SNRNP40: variants seen among roughly 807,000 people sequenced by gnomAD.
SNRNP40 encodes the protein U5 small nuclear ribonucleoprotein 40 kDa protein.
Under a neutral mutation model 45.8 loss-of-function variants are expected in SNRNP40, and 21 were observed. That is an observed-to-expected ratio of 0.46 (90% CI 0.32 to 0.66). The LOEUF (loss-of-function observed/expected upper bound fraction) is 0.66, where lower values mean the gene tolerates loss of function less well. Ranked by LOEUF, SNRNP40 falls within the 30% of genes least tolerant of loss-of-function variation. The pLI is 0.03. For synonymous variants in SNRNP40, 142 were observed against 163.8 expected (o/e 0.87, Z 1.01); for missense variants, 344 against 439.1 (o/e 0.78, Z 1.94).
intron 4 of SNRNP40, among the ~76,000 whole-genome samples, chr1:31,288,209 A>G (rs61779439): frequency 0.14 from 21,329 of 152,076 alleles, 1,635 homozygotes; most frequent in African/African-American, 0.17. Context: ...TTAAAAAGCA[A>G]TAAGAAGTAT....
chr1:31,284,004 G>C (rs1346785300), intron 4 of SNRNP40, among the ~76,000 whole-genome samples: 1 of 152,120 alleles, frequency 6.6e-6, no homozygotes, highest in Non-Finnish European at 1.5e-5. Flanking sequence ...CCAGGAGGAT[G>C]GCTTTAGCCC....
At chr1:31,261,051 C>A in intron 9 of SNRNP40, 1 of 1,279,300 alleles carries the variant, frequency 7.8e-7, no homozygotes, top group Non-Finnish European at 1.0e-6. Flanking sequence ...CACATAAAGA[C>A]TGTTTGCAGC....
intron 5 of SNRNP40, among the ~76,000 whole-genome samples, chr1:31,277,538 T>C (rs961387283): frequency 3.9e-5 from 6 of 152,258 alleles, no homozygotes; most frequent in African/African-American, 1.4e-4. Flanking sequence ...GAAAAGTCTA[T>C]ACTGATTTTT....
intron 4 of SNRNP40, among the ~76,000 whole-genome samples, chr1:31,288,644 ATT>A (rs1646078842): frequency 6.9e-6 from 1 of 145,576 alleles, no homozygotes; most frequent in Non-Finnish European, 1.5e-5. Context: ...CTTTTTATAT[ATT>A]GTCTATAATC....
chr1:31,273,969 G>GT (rs1038382729), intron 5 of SNRNP40, among the ~76,000 whole-genome samples: 53 of 147,576 alleles, frequency 3.6e-4, no homozygotes, highest in Middle Eastern at 7.0e-3. Flanking sequence ...TTTTGTTTTT[G>GT]TTTTTTTTTT....
chr1:31,291,738 T>C lies in SNRNP40; in HGVS notation c.365+175A>G, dbSNP rs562106194. ...AATGACCGATGTAACATCTTTATAT[T>C]TGCATACACAGACTATAAACACCTC... On this transcript the variant is annotated intron_variant, in intron 3 of 9. Transcript: ENST00000263694. Among the ~76,000 whole-genome samples, 17 of 152,324 alleles carry C rather than the reference T, an allele frequency of 1.1e-4. No individual in the cohort carries two copies. The South Asian group carries it at 3.1e-3, about 28-fold the overall frequency.
At chr1:31,289,697 T>C (rs1257206578) in intron 3 of SNRNP40, among the ~76,000 whole-genome samples, 2 of 152,148 alleles carry the variant, frequency 1.3e-5, no homozygotes, top group Non-Finnish European at 2.9e-5. Flanking sequence ...TGCTCTATCT[T>C]TTCCTCTTTT....
Position 31,259,984 on chromosome 1 carries a change from T to C in SNRNP40, c.*88A>G. 2 of 950,268 alleles carry C rather than the reference T, an allele frequency of 2.1e-6. No individual in the cohort carries two copies. Among genetic ancestry groups the C allele is most frequent in the South Asian group, 2.6e-5 (2 of 77,064 alleles). The allele number at this position is 950,268 out of a possible 1,614,324, so 58.9% of individuals were successfully genotyped here. On this transcript the variant is annotated 3_prime_UTR_variant, in exon 10 of 10. Transcript: ENST00000263694. ...TAGCAATGGTCATCTGAAGGGAGGGTGCTAGCCTGGACATCCAACATTTGG... is the reference window on the plus strand; with the variant it reads ...TAGCAATGGTCATCTGAAGGGAGGGCGCTAGCCTGGACATCCAACATTTGG...
intron 4 of SNRNP40, among the ~76,000 whole-genome samples, chr1:31,283,538 G>C (rs2148388059): frequency 6.6e-6 from 1 of 152,290 alleles, no homozygotes; most frequent in Non-Finnish European, 1.5e-5. Flanking sequence ...GGGGAGTGGA[G>C]GTTGCAGTGA....
chr1:31,281,606 T>C (rs1292447577), intron 4 of SNRNP40, 110 bp from the exon 5 acceptor site: 11 of 926,788 alleles, frequency 1.2e-5, no homozygotes, highest in South Asian at 1.1e-4. Context: ...ACATCTATAA[T>C]TGGGATCCTA....
intron 5 of SNRNP40, 54 bp downstream of exon 5, chr1:31,281,320 C>A: frequency 2.0e-6 from 3 of 1,470,626 alleles, no homozygotes; most frequent in South Asian, 1.3e-5. Flanking sequence ...TGAAAAAATT[C>A]GTTTCTAAGT....
intron 3 of SNRNP40, among the ~76,000 whole-genome samples, chr1:31,291,327 A>G (rs1373449686): frequency 2.7e-5 from 4 of 149,154 alleles, no homozygotes; most frequent in African/African-American, 9.8e-5. Context: ...TTGGAGTGGT[A>G]GAAATATAGA....
At chr1:31,274,580 A>G (rs1346079539) in intron 5 of SNRNP40, among the ~76,000 whole-genome samples, 1 of 150,888 alleles carries the variant, frequency 6.6e-6, no homozygotes, top group South Asian at 2.1e-4. Flanking sequence ...GAGACCTCCT[A>G]AAGTGCAGGG....
intron 8 of SNRNP40, among the ~76,000 whole-genome samples, chr1:31,267,593 C>T (rs1215634927): frequency 3.3e-5 from 5 of 152,054 alleles, no homozygotes; most frequent in South Asian, 2.1e-4. Context: ...AGCAGTGCAA[C>T]GGCGTGATCT....
intron 2 of SNRNP40, 172 bp downstream of exon 2, chr1:31,293,047 A>G (rs1646118023): frequency 1.5e-6 from 1 of 652,080 alleles, no homozygotes; most frequent in East Asian, 2.8e-5. Flanking sequence ...ATGGACTCCA[A>G]GTTCTACACC....
At chr1:31,292,175 T>C (rs1359790396) in intron 2 of SNRNP40, among the ~76,000 whole-genome samples, 169 bp from the exon 3 acceptor site, 1 of 152,098 alleles carries the variant, frequency 6.6e-6, no homozygotes, top group African/African-American at 2.4e-5. Context: ...CCAGCGTGGC[T>C]GATACGGCGA....
At chr1:31,268,620 A>G (rs1161614478) in intron 7 of SNRNP40, among the ~76,000 whole-genome samples, 4 of 150,214 alleles carry the variant, frequency 2.7e-5, no homozygotes, top group Non-Finnish European at 4.4e-5. Flanking sequence ...TGAGCTCTCA[A>G]AAAAAAAAAT....
chr1:31,279,354 T>C (rs1645999509), intron 5 of SNRNP40, among the ~76,000 whole-genome samples: 1 of 152,214 alleles, frequency 6.6e-6, no homozygotes. Context: ...CTTAAATGAA[T>C]TAATGATGTA....
chr1:31,270,724 C>G (rs1645931728), intron 6 of SNRNP40, among the ~76,000 whole-genome samples: 1 of 152,110 alleles, frequency 6.6e-6, no homozygotes. Context: ...GTTTTTGTTA[C>G]AAAATGTCAG....
Sources: gnomAD v4.1 joint callset for allele counts (sites outside exome capture counted in the v4.1 genomes callset) on GRCh38, gnomAD v4.1.1 for gene constraint, MANE v1.5 for transcripts, NCBI Gene and HGNC (gene_info 2026-07-23, HGNC 2026-07-21) for gene names.